Variants in SLC13A3 observed in about 807,000 individuals in gnomAD.
SLC13A3 encodes the protein solute carrier family 13 member 3.
SLC13A3 carries 40 observed loss-of-function variants against 59.0 expected under a neutral mutation model. The ratio of observed to expected loss-of-function variants is 0.68; its 90% confidence interval spans 0.53 to 0.88. The LOEUF (loss-of-function observed/expected upper bound fraction) is 0.88, where lower values mean the gene tolerates loss of function less well. Among genes scored for constraint, SLC13A3 ranks in the 40% least tolerant of loss-of-function variants. The pLI is 0.00. For synonymous variants in SLC13A3, 317 were observed against 330.3 expected (o/e 0.96, Z 0.44); for missense variants, 699 against 783.2 (o/e 0.89, Z 1.28).
intron 9 of SLC13A3, among the ~76,000 whole-genome samples, chr20:46,579,573 G>C (rs958191975): frequency 6.6e-6 from 1 of 152,192 alleles, no homozygotes. Flanking sequence ...GGTCACTGGT[G>C]GCCAAAGGAC....
chr20:46,620,788 T>C (rs1219085300), intron 1 of SLC13A3, among the ~76,000 whole-genome samples: 1 of 152,182 alleles, frequency 6.6e-6, no homozygotes, highest in Non-Finnish European at 1.5e-5. Context: ...CAATTCTGAC[T>C]GGAAAATTAA....
At chr20:46,662,338 A>C (rs2063035667) in intron 1 of SLC13A3, among the ~76,000 whole-genome samples, 1 of 152,230 alleles carries the variant, frequency 6.6e-6, no homozygotes, top group Non-Finnish European at 1.5e-5. Flanking sequence ...TCTTTCCAAA[A>C]AAATAATAAC....
chr20:46,596,153 T>C lies in SLC13A3; in HGVS notation c.794+4A>G. 1 of 1,612,322 alleles carries C rather than the reference T, an allele frequency of 6.2e-7. No individual in the cohort carries two copies. The highest frequency in any genetic ancestry group is 8.5e-7 in the Non-Finnish European group (1 of 1,179,354). ...TCCCCGCCGGTGGGGACTCTCGCTT[T>C]CACCTCTTGAGCTGGCCAAGCAGGA... On this transcript the variant is annotated splice_donor_region_variant and intron_variant, in intron 5 of 12. Coordinates refer to ENST00000279027, the MANE Select transcript of SLC13A3 (RefSeq NM_022829.6).
chr20:46,639,563 C>G (rs939753966), intron 1 of SLC13A3, among the ~76,000 whole-genome samples: 1 of 152,182 alleles, frequency 6.6e-6, no homozygotes, highest in Non-Finnish European at 1.5e-5. Flanking sequence ...TAGTTCTTGT[C>G]TCCATAAACT....
rs769773716 is a variant in SLC13A3 at position 46,589,167 on chromosome 20, G to A, written c.1009C>T (p.Pro337Ser). ...CCAAGGGCCCCCACATACTTGATGG[G>A]CCCCAGGTTCTGGTATTCTTCCCGA... is the stretch of plus-strand genomic sequence containing the variant. ...VIREEYQNLGPIKFAEQAVFI... is the reference protein window; with the variant it reads ...VIREEYQNLGSIKFAEQAVFI... Residue 337 changes from proline (P) to serine (S), a missense_variant, in exon 7 of 13, where the codon CCC becomes TCC. Physicochemically the swap from Pro to Ser is moderately conservative, Grantham distance 74 (BLOSUM62 -1). Transcript: ENST00000279027. 7.4e-6 allele frequency: 12 copies of A among 1,613,880 alleles called. No homozygotes were observed. The highest frequency in any genetic ancestry group is 1.3e-5 in the African/African-American group (1 of 74,912).
chr20:46,625,479 T>C (rs1233742369), intron 1 of SLC13A3, among the ~76,000 whole-genome samples: 6 of 152,188 alleles, frequency 3.9e-5, no homozygotes, highest in Admixed American at 2.6e-4. Flanking sequence ...TAAACATGAC[T>C]TTTAAAAAAT....
chr20:46,665,155 A>G (rs2045525290), intron 1 of SLC13A3, among the ~76,000 whole-genome samples: 1 of 152,042 alleles, frequency 6.6e-6, no homozygotes, highest in Admixed American at 6.6e-5. Context: ...AGTCCCAGCT[A>G]CTTGGTAGGC....
chr20:46,578,070 C>T (rs537685080), intron 9 of SLC13A3, among the ~76,000 whole-genome samples: 2 of 151,926 alleles, frequency 1.3e-5, no homozygotes, highest in South Asian at 2.1e-4. Flanking sequence ...GGTGCGATCT[C>T]GGCTCACTGC....
intron 10 of SLC13A3, among the ~76,000 whole-genome samples, chr20:46,575,156 A>G (rs989967546): frequency 3.3e-5 from 5 of 151,944 alleles, no homozygotes; most frequent in African/African-American, 7.2e-5. Context: ...AAGAGAGAGA[A>G]AAAAAGAGAG....
intron 1 of SLC13A3, among the ~76,000 whole-genome samples, chr20:46,679,397 C>G (rs1328965932): frequency 1.3e-5 from 2 of 151,704 alleles, no homozygotes; most frequent in African/African-American, 4.8e-5. Flanking sequence ...TCTCTACTAA[C>G]AAATACAAAA....
chr20:46,660,242 T>A (rs1568962126), intron 1 of SLC13A3, among the ~76,000 whole-genome samples: 2 of 152,320 alleles, frequency 1.3e-5, no homozygotes, highest in East Asian at 3.8e-4. Context: ...GGTGCTAGCA[T>A]TTCTTTTACC....
Position 46,592,480 on chromosome 20 carries a change from C to A in SLC13A3, c.844G>T (p.Ala282Ser). The change falls in exon 6 of 13, where the codon GCC becomes TCC. Residue 282 changes from alanine to serine, a missense_variant. By Grantham distance (99) the Ala-to-Ser change is moderately conservative. Coordinates refer to ENST00000279027, the MANE Select transcript of SLC13A3 (RefSeq NM_022829.6). ...VVNFGSWFIF[A>S]FPLMLLFLLA... ...AGGAACAACAGCATAAGAGGGAAGG[C>A]GAAAATGAACCAGGAGCCGAAATTC... The A allele has an allele frequency of 1.2e-6, 2 of 1,613,770 alleles. No individual in the cohort carries two copies. Among genetic ancestry groups the A allele is most frequent in the African/African-American group, 1.3e-5 (1 of 74,974 alleles).
At chr20:46,606,712 A>G (rs1423490795) in intron 3 of SLC13A3, among the ~76,000 whole-genome samples, 1 of 152,216 alleles carries the variant, frequency 6.6e-6, no homozygotes, top group Non-Finnish European at 1.5e-5. Context: ...TAAAAAACAA[A>G]AACAAAATCC....
chr20:46,621,333 G>C (rs1303661180), intron 1 of SLC13A3, among the ~76,000 whole-genome samples: 1 of 152,004 alleles, frequency 6.6e-6, no homozygotes, highest in African/African-American at 2.4e-5. Flanking sequence ...ACTTCTTTTT[G>C]TTCCTAATCT....
At chr20:46,655,167 T>G (rs2062975485), upstream of SLC13A3, among the ~76,000 whole-genome samples, 4 of 151,110 alleles carry the variant, frequency 2.6e-5, no homozygotes, top group South Asian at 8.4e-4. Flanking sequence ...TTCCTTGGTT[T>G]ACCCTAGCAA....
chr20:46,607,466 T>G (rs1248408122), intron 3 of SLC13A3, among the ~76,000 whole-genome samples: 2 of 152,188 alleles, frequency 1.3e-5, no homozygotes, highest in African/African-American at 4.8e-5. Flanking sequence ...ATTAGCCTTG[T>G]TTTAGGTCTT....
chr20:46,676,693 CTTCCCGCCT>C (rs1229940681), intron 1 of SLC13A3, among the ~76,000 whole-genome samples: 1 of 151,796 alleles, frequency 6.6e-6, no homozygotes, highest in African/African-American at 2.4e-5. Context: ...CCAGGAGATC[CTTCCCGCCT>C]CAGCCTCCCC....
chr20:46,651,197 G>T, intron 1 of SLC13A3, 114 bp downstream of exon 1: 2 of 1,355,346 alleles, frequency 1.5e-6, no homozygotes, highest in Non-Finnish European at 1.9e-6. Context: ...AAGGCGAGGG[G>T]GTCTGGTGGA....
chr20:46,662,897 T>C (rs1035611503), intron 1 of SLC13A3, among the ~76,000 whole-genome samples: 1 of 152,242 alleles, frequency 6.6e-6, no homozygotes, highest in Non-Finnish European at 1.5e-5. Flanking sequence ...AGCACTTTTG[T>C]AACTGACCTT....
Sources: allele counts gnomAD v4.1 joint callset (sites outside exome capture counted in the v4.1 genomes callset), GRCh38; gene constraint gnomAD v4.1.1; transcripts MANE v1.5; gene names NCBI Gene and HGNC (gene_info 2026-07-23, HGNC 2026-07-21).